IMMP2L: variants seen among roughly 807,000 people sequenced by gnomAD.
The protein encoded by IMMP2L is mitochondrial inner membrane protease subunit 2.
IMMP2L carries 18 observed loss-of-function variants against 19.3 expected under a neutral mutation model. The ratio of observed to expected loss-of-function variants is 0.93; its 90% confidence interval spans 0.64 to 1.38. IMMP2L has a LOEUF of 1.38. IMMP2L is among the 40% of genes most tolerant of loss of function. IMMP2L has a pLI of 0.00. For synonymous variants in IMMP2L, 76 were observed against 73.0 expected (o/e 1.04, Z -0.21); for missense variants, 233 against 218.2 (o/e 1.07, Z -0.43).
At chr7:110,993,006 C>T (rs1042514175) in intron 3 of IMMP2L, among the ~76,000 whole-genome samples, 4 of 152,128 alleles carry the variant, frequency 2.6e-5, no homozygotes, top group African/African-American at 9.7e-5. Context: ...ACTTAAACTT[C>T]CTGAACTCTC....
intron 3 of IMMP2L, among the ~76,000 whole-genome samples, chr7:111,319,619 C>T (rs1260289934): frequency 6.6e-6 from 1 of 152,172 alleles, no homozygotes; most frequent in South Asian, 2.1e-4. Flanking sequence ...TTTCAAAGAT[C>T]AGCCCTCAAT....
At chr7:111,261,179 A>G (rs573923609) in intron 3 of IMMP2L, among the ~76,000 whole-genome samples, 57 of 152,214 alleles carry the variant, frequency 3.7e-4, no homozygotes, top group African/African-American at 1.3e-3. Flanking sequence ...CACCGCCTTT[A>G]AGTATAGGAT....
chr7:110,991,308 A>T, intron 3 of IMMP2L, among the ~76,000 whole-genome samples: 1 of 152,154 alleles, frequency 6.6e-6, no homozygotes, highest in Non-Finnish European at 1.5e-5. Flanking sequence ...CTTACTCTAA[A>T]TGTTTATATT....
In IMMP2L at chr7:110,758,880, G is replaced by A. The variant is rs192777188; in HGVS notation, c.409-95159C>T. Reference sequence around the variant, plus strand: ...AAATCTCTCTGACATTGCTGCTACAGAACTTCATGGAGAGAAAAAAATGAA... The same window carrying A: ...AAATCTCTCTGACATTGCTGCTACAAAACTTCATGGAGAGAAAAAAATGAA... On this transcript the variant is annotated intron_variant, in intron 5 of 5. Transcript: ENST00000405709. The surrounding 1 kb of genome is among the most constrained non-coding windows in gnomAD (Gnocchi z 4.6). Among the ~76,000 whole-genome samples the A allele has an allele frequency of 2.0e-5, 3 of 152,186 alleles. No homozygotes were observed. In the East Asian group the frequency reaches 5.8e-4, roughly 30 times the overall value.
chr7:110,973,961 G>T (rs970770246), intron 3 of IMMP2L, among the ~76,000 whole-genome samples: 3 of 152,082 alleles, frequency 2.0e-5, no homozygotes, highest in Non-Finnish European at 2.9e-5. Context: ...ATCTTCATGT[G>T]TGGACGAAAT....
intron 5 of IMMP2L, among the ~76,000 whole-genome samples, chr7:110,770,247 C>T (rs933011328): frequency 6.6e-6 from 1 of 152,132 alleles, no homozygotes; most frequent in African/African-American, 2.4e-5. Flanking sequence ...ACTTAATTCC[C>T]TTACGACGAA....
chr7:110,714,886 C>T (rs951239349), intron 5 of IMMP2L, among the ~76,000 whole-genome samples: 3 of 152,170 alleles, frequency 2.0e-5, no homozygotes, highest in African/African-American at 7.2e-5. Context: ...TGAACCACTG[C>T]ATCCAGCCTC....
intron 3 of IMMP2L, among the ~76,000 whole-genome samples, chr7:110,983,326 C>G (rs780944540): frequency 1.3e-4 from 20 of 151,960 alleles, no homozygotes; most frequent in Non-Finnish European, 2.2e-4. Flanking sequence ...TTCCTCTTTT[C>G]TAAAAGTAAT....
In IMMP2L at chr7:110,870,701, A is replaced by C. The variant is rs1323436131; in HGVS notation, c.408+15892T>G. On this transcript the variant is annotated intron_variant, in intron 5 of 5. Transcript: ENST00000405709. The surrounding 1 kb of genome is among the most constrained non-coding windows in gnomAD (Gnocchi z 4.2). Reference sequence around the variant, plus strand: ...AGGAAGAGGATCTAGCTAGGACAAAAGGCCTTTCACCTGTTCAAAGAATGG... The same window carrying C: ...AGGAAGAGGATCTAGCTAGGACAAACGGCCTTTCACCTGTTCAAAGAATGG... 6.6e-6 allele frequency among the ~76,000 whole-genome samples: 1 copy of C among 152,132 alleles called. No homozygotes were observed. Among genetic ancestry groups the C allele is most frequent in the Non-Finnish European group, 1.5e-5 (1 of 68,012 alleles).
intron 3 of IMMP2L, among the ~76,000 whole-genome samples, chr7:111,222,063 C>G (rs1206410640): frequency 2.0e-5 from 3 of 151,832 alleles, no homozygotes; most frequent in Non-Finnish European, 4.4e-5. Flanking sequence ...TTCTTGTCTT[C>G]CCCCACCGAT....
intron 5 of IMMP2L, among the ~76,000 whole-genome samples, chr7:110,681,049 G>C: frequency 6.7e-6 from 1 of 148,904 alleles, no homozygotes; most frequent in East Asian, 1.9e-4. Context: ...AAATTAGTAA[G>C]GATTAAAAAA....
Position 111,123,955 on chromosome 7 carries a change from T to C in IMMP2L, c.240-160390A>G, listed in dbSNP as rs1276127618. On this transcript the variant is annotated intron_variant, in intron 3 of 5. Coordinates refer to ENST00000405709, the MANE Select transcript of IMMP2L (RefSeq NM_032549.4). This position sits in a 1 kb window ranked among gnomAD's most constrained non-coding sequence, Gnocchi z 6.4. ...TCGATTCATGGAGCCAGATTCACTG[T>C]TTTGCGTGGACCCACCTGAATTCCA... is the stretch of plus-strand genomic sequence containing the variant. The C allele has an allele frequency of 1.2e-6, 2 of 1,613,854 alleles. No homozygotes were observed. Among genetic ancestry groups the C allele is most frequent in the Non-Finnish European group, 1.7e-6 (2 of 1,179,990 alleles).
chr7:111,353,692 T>A (rs368231645), intron 3 of IMMP2L, among the ~76,000 whole-genome samples: 2 of 152,170 alleles, frequency 1.3e-5, no homozygotes, highest in Non-Finnish European at 2.9e-5. Flanking sequence ...AAAAGGGCTA[T>A]GGGTATTGAA....
chr7:110,763,212 G>A (rs1798456235), intron 5 of IMMP2L, among the ~76,000 whole-genome samples: 1 of 152,118 alleles, frequency 6.6e-6, no homozygotes, highest in Middle Eastern at 3.2e-3. Flanking sequence ...TCAAGTGATA[G>A]AACAAGCTTA....
intron 3 of IMMP2L, among the ~76,000 whole-genome samples, chr7:111,239,030 C>G (rs540298039): frequency 1.6e-4 from 25 of 151,980 alleles, no homozygotes; most frequent in African/African-American, 5.1e-4. Flanking sequence ...AAACCATTCC[C>G]AAAGAAACAG....
chr7:110,712,008 C>A (rs1794904294), intron 5 of IMMP2L, among the ~76,000 whole-genome samples: 1 of 35,488 alleles, frequency 2.8e-5, no homozygotes. Context: ...CTTCTCTCAG[C>A]TCGTCAAAAT....
At chr7:111,103,919 C>T (rs942558034) in intron 3 of IMMP2L, among the ~76,000 whole-genome samples, 2 of 151,492 alleles carry the variant, frequency 1.3e-5, no homozygotes, top group Non-Finnish European at 3.0e-5. Flanking sequence ...TATTGAACAC[C>T]ATTTTGAGAG....
At chr7:110,748,205 T>G (rs1267232801) in intron 5 of IMMP2L, among the ~76,000 whole-genome samples, 1 of 152,106 alleles carries the variant, frequency 6.6e-6, no homozygotes, top group African/African-American at 2.4e-5. Flanking sequence ...GTGAAGGACC[T>G]CTTCAAGGAG....
intron 5 of IMMP2L, among the ~76,000 whole-genome samples, chr7:110,787,162 G>A (rs2131121481): frequency 6.6e-6 from 1 of 152,112 alleles, no homozygotes; most frequent in Non-Finnish European, 1.5e-5. Flanking sequence ...TGAACTTAAA[G>A]AGTGTCTTTT....
Sources: gnomAD v4.1 joint callset for allele counts (sites outside exome capture counted in the v4.1 genomes callset) on GRCh38, gnomAD v4.1.1 for gene constraint, Gnocchi (gnomAD v3.1) non-coding constraint, MANE v1.5 for transcripts, NCBI Gene and HGNC (gene_info 2026-07-23, HGNC 2026-07-21) for gene names.